Variants in PTPRD observed in about 807,000 individuals in gnomAD.
The protein encoded by PTPRD is receptor-type tyrosine-protein phosphatase delta.
PTPRD carries 34 observed loss-of-function variants against 214.5 expected under a neutral mutation model. The ratio of observed to expected loss-of-function variants is 0.16; its 90% CI spans 0.12 to 0.21. The LOEUF (loss-of-function observed/expected upper bound fraction) is 0.21, where lower values mean the gene tolerates loss of function less well. Ranked by LOEUF, PTPRD falls within the 10% of genes least tolerant of loss-of-function variation. PTPRD has a pLI of 1.00. For missense variants in PTPRD, 2,545 were observed against 2,398.7 expected (o/e 1.06, Z -1.27); for synonymous variants, 1,128 against 845.7 (o/e 1.33, Z -5.79).
Position 9,036,631 on chromosome 9 carries a change from A to T in PTPRD, c.-142-17896T>A, listed in dbSNP as rs557938431. ...AGAGGAAACTGAGTATGAGTTATAA[A>T]GGAACTCTATGGCGGAGAGGGAGAA... On this transcript the variant is annotated intron_variant, in intron 10 of 45. Transcript: ENST00000381196. 7.9e-5 allele frequency among the ~76,000 whole-genome samples: 12 copies of T among 152,310 alleles called. No homozygotes were observed. In the East Asian group the frequency reaches 2.1e-3, roughly 27 times the overall value.
At chr9:9,333,260 A>G (rs1018400812) in intron 9 of PTPRD, among the ~76,000 whole-genome samples, 1 of 151,742 alleles carries the variant, frequency 6.6e-6, no homozygotes, top group South Asian at 2.1e-4. Flanking sequence ...AGGGCTTGAA[A>G]TGTGGCTGCA....
chr9:8,389,235 T>G lies in PTPRD; in HGVS notation c.4383A>C (p.Ser1461=). The G allele has an allele frequency of 1.9e-6, 3 of 1,608,082 alleles. No homozygotes were observed. Among genetic ancestry groups the G allele is most frequent in the African/African-American group, 1.3e-5 (1 of 74,704 alleles). The change falls in exon 37 of 46, where the codon TCA becomes TCC. Residue 1461 remains serine (S), a synonymous_variant. Transcript: ENST00000381196. ...AGAGGTGGATACTTATTCTTACCCT[T>G]GATCTTTCTTCTAGTTTTGTCATCA... The part of the protein sequence containing the change: ...VVMMTKLEER[S]RVKCDQYWPS...
intron 11 of PTPRD, among the ~76,000 whole-genome samples, chr9:8,995,394 A>G (rs1407848181): frequency 6.6e-6 from 1 of 152,112 alleles, no homozygotes; most frequent in Non-Finnish European, 1.5e-5. Context: ...TATTAAGAAT[A>G]TAATATTGCA....
rs76175111 is a variant in PTPRD at position 9,345,207 on chromosome 9, G to T, written c.-203+52242C>A. On this transcript the variant is annotated intron_variant, in intron 9 of 45. Coordinates refer to ENST00000381196, the MANE Select transcript of PTPRD (RefSeq NM_002839.4). ...TTTCATATGAATATTCTTCCTTACTGATAATTACTTGCACTTAGAGATATA... is the reference window on the plus strand; with the variant it reads ...TTTCATATGAATATTCTTCCTTACTTATAATTACTTGCACTTAGAGATATA... 4.3e-3 allele frequency among the ~76,000 whole-genome samples: 653 copies of T among 152,174 alleles called. 14 individuals carry two copies. In the East Asian group the frequency reaches 0.064, roughly 15 times the overall value.
intron 3 of PTPRD, among the ~76,000 whole-genome samples, chr9:10,231,561 G>A (rs984297228): frequency 1.3e-5 from 2 of 148,496 alleles, no homozygotes; most frequent in Admixed American, 6.7e-5. Flanking sequence ...GGGGTAGGGA[G>A]GAGGTGGTGC....
In PTPRD at chr9:8,733,790, C is replaced by G. The variant is rs1465139583; in HGVS notation, c.54G>C (p.Thr18=). 6.4e-7 allele frequency: 1 copy of G among 1,552,764 alleles called. No homozygotes were observed. The highest frequency in any genetic ancestry group is 8.7e-7 in the Non-Finnish European group (1 of 1,147,520). ...LLLLLTFFLR[T]DAETPPRFTR... ...GGGAGAATGGCTTACTCTCAGCATC[C>G]GTGCGGAGGAAGAAAGTGAGGAGCA... Residue 18 remains threonine (T), a synonymous_variant, in exon 12 of 46, where the codon ACG becomes ACC. Coordinates refer to ENST00000381196, the MANE Select transcript of PTPRD (RefSeq NM_002839.4).
At position 9,381,404 on chromosome 9, in the gene PTPRD, C is replaced by G. The variant is rs574229322; in HGVS notation, c.-203+16045G>C. 1.4e-3 allele frequency among the ~76,000 whole-genome samples: 209 copies of G among 148,488 alleles called. 1 individual carries two copies. The highest frequency in any genetic ancestry group is 4.8e-3 in the African/African-American group (192 of 40,062). On this transcript the variant is annotated intron_variant, in intron 9 of 45. Transcript: ENST00000381196. The stretch of plus-strand genomic sequence containing the variant: ...TTTGACAGGGTCTTACTTTGTCACC[C>G]GGCTGGAGTGCAGTGGCATAATCAC...
chr9:9,718,651 G>A (rs1440321131), intron 7 of PTPRD, among the ~76,000 whole-genome samples: 1 of 152,220 alleles, frequency 6.6e-6, no homozygotes, highest in South Asian at 2.1e-4. Flanking sequence ...CTGCTCTGTG[G>A]TGGAGCAAAG....
chr9:10,268,555 T>G (rs2094232610), intron 3 of PTPRD, among the ~76,000 whole-genome samples: 1 of 152,150 alleles, frequency 6.6e-6, no homozygotes, highest in African/African-American at 2.4e-5. Context: ...CACTCTTCCT[T>G]TCCACCTAAC....
At position 9,601,956 on chromosome 9, in the gene PTPRD, T is replaced by C. The variant is rs114387334; in HGVS notation, c.-286-27175A>G. 7.4e-3 allele frequency among the ~76,000 whole-genome samples: 1,124 copies of C among 152,212 alleles called. 11 individuals are homozygous for C. The highest frequency in any genetic ancestry group is 0.026 in the African/African-American group (1,066 of 41,564). ...CCATATATCTGTGAATTCTATATTT[T>C]CTACCACTACATACATAAAAGTAGT... On this transcript the variant is annotated intron_variant, in intron 7 of 45. Transcript: ENST00000381196.
At chr9:9,219,581 A>G (rs939979020) in intron 9 of PTPRD, among the ~76,000 whole-genome samples, 3 of 152,178 alleles carry the variant, frequency 2.0e-5, no homozygotes, top group Non-Finnish European at 4.4e-5. Context: ...TTTTTTCACT[A>G]TAGAATAACC....
At chr9:9,388,738 A>G (rs1157034729) in intron 9 of PTPRD, among the ~76,000 whole-genome samples, 1 of 152,206 alleles carries the variant, frequency 6.6e-6, no homozygotes, top group Non-Finnish European at 1.5e-5. Flanking sequence ...AATTATAGGT[A>G]TTAGTCTAAG....
intron 15 of PTPRD, chr9:8,528,308 C>G: frequency 2.1e-6 from 1 of 467,540 alleles, no homozygotes; most frequent in East Asian, 3.3e-5. Context: ...TCAAATACTG[C>G]GAAAAAGCAG....
chr9:10,076,139 T>C (rs918058229), intron 3 of PTPRD, among the ~76,000 whole-genome samples: 4 of 152,132 alleles, frequency 2.6e-5, no homozygotes, highest in Admixed American at 1.3e-4. Context: ...TTTAAAGTAC[T>C]GTATGTGGCC....
intron 5 of PTPRD, among the ~76,000 whole-genome samples, chr9:9,807,804 A>ACTG (rs1371471294): frequency 6.6e-6 from 1 of 152,190 alleles, no homozygotes; most frequent in Non-Finnish European, 1.5e-5. Context: ...TCATTAGGGA[A>ACTG]CTGCTATTGG....
intron 14 of PTPRD, among the ~76,000 whole-genome samples, chr9:8,538,000 AG>A (rs2077370809): frequency 6.6e-6 from 1 of 152,042 alleles, no homozygotes; most frequent in African/African-American, 2.4e-5. Context: ...GAGAAAAAAA[AG>A]AAGTACCTTC....
chr9:10,564,360 A>T (rs569862959), intron 2 of PTPRD, among the ~76,000 whole-genome samples: 10 of 150,124 alleles, frequency 6.7e-5, no homozygotes, highest in African/African-American at 2.4e-4. Context: ...CCAGTGAACT[A>T]TATTTTCCCT....
chr9:9,933,418 G>A (rs1176192130), intron 5 of PTPRD, among the ~76,000 whole-genome samples: 1 of 151,688 alleles, frequency 6.6e-6, no homozygotes, highest in East Asian at 1.9e-4. Context: ...AAAAGGCAGG[G>A]GTTGCAATCC....
intron 2 of PTPRD, among the ~76,000 whole-genome samples, chr9:10,466,721 T>G (rs181529373): frequency 2.6e-5 from 4 of 151,652 alleles, no homozygotes; most frequent in African/African-American, 4.8e-5. Context: ...GAATTCAGAC[T>G]TCGAGCATCT....
Sources: gnomAD v4.1 joint callset for allele counts (sites outside exome capture counted in the v4.1 genomes callset) on GRCh38, gnomAD v4.1.1 for gene constraint, MANE v1.5 for transcripts, NCBI Gene and HGNC (gene_info 2026-07-23, HGNC 2026-07-21) for gene names.